OPCML: variants seen among roughly 807,000 people sequenced by gnomAD.
OPCML encodes opioid-binding protein/cell adhesion molecule.
A neutral mutation model predicts 37.8 loss-of-function variants in OPCML; 13 were observed. The observed-to-expected ratio is 0.34, with a 90% CI of 0.22 to 0.55. The LOEUF (loss-of-function observed/expected upper bound fraction) is 0.55. OPCML is among the 20% of genes least tolerant of loss of function. The pLI, the probability that OPCML is intolerant of heterozygous loss-of-function variation, is 0.91. For missense variants in OPCML, 341 were observed against 435.6 expected (o/e 0.78, Z 1.93); for synonymous variants, 176 against 168.8 (o/e 1.04, Z -0.33).
chr11:133,048,578 T>C (rs1565418049), intron 1 of OPCML, among the ~76,000 whole-genome samples: 1 of 152,208 alleles, frequency 6.6e-6, no homozygotes, highest in Admixed American at 6.5e-5. Context: ...TGAGAAGAGA[T>C]GAAAGTCTCT....
At chr11:133,061,069 T>C (rs1428542477) in intron 1 of OPCML, among the ~76,000 whole-genome samples, 1 of 152,262 alleles carries the variant, frequency 6.6e-6, no homozygotes, top group Non-Finnish European at 1.5e-5. Context: ...TGTCCCTATG[T>C]TGCTCAGGCT....
intron 1 of OPCML, among the ~76,000 whole-genome samples, chr11:133,445,360 A>G (rs1032670652): frequency 2.6e-5 from 4 of 152,214 alleles, no homozygotes; most frequent in Non-Finnish European, 5.9e-5. Flanking sequence ...ATGCCATGCC[A>G]TAAGCTTAAA....
intron 2 of OPCML, among the ~76,000 whole-genome samples, chr11:132,747,222 A>G (rs1338061453): frequency 6.6e-6 from 1 of 152,180 alleles, no homozygotes; most frequent in Non-Finnish European, 1.5e-5. Flanking sequence ...TTCAGGAAAA[A>G]TCAATACAGG....
At chr11:132,802,681 G>A (rs1320416824) in intron 2 of OPCML, among the ~76,000 whole-genome samples, 2 of 152,132 alleles carry the variant, frequency 1.3e-5, no homozygotes, top group African/African-American at 4.8e-5. Flanking sequence ...CATTAGATGT[G>A]ATTTCAGTGA....
intron 3 of OPCML, among the ~76,000 whole-genome samples, chr11:132,592,211 C>T (rs2096485589): frequency 2.6e-5 from 4 of 152,216 alleles, no homozygotes; most frequent in Admixed American, 2.6e-4. Flanking sequence ...GGGCCACAAG[C>T]TGCTTTTCAA....
chr11:132,649,430 T>C (rs2135745458), intron 3 of OPCML, among the ~76,000 whole-genome samples: 1 of 152,192 alleles, frequency 6.6e-6, no homozygotes, highest in East Asian at 1.9e-4. Flanking sequence ...AACACAGTAG[T>C]CTGAGAGCCG....
Position 133,367,132 on chromosome 11 carries a change from C to T in OPCML, c.61+165132G>A, listed in dbSNP as rs567487795. 2.5e-4 allele frequency among the ~76,000 whole-genome samples: 38 copies of T among 152,262 alleles called. No homozygotes were observed. In the East Asian group the frequency reaches 3.9e-3, roughly 15 times the overall value. ...TAGCTAGGATTACAGGCATGTACCA[C>T]GACACCCAGCTAACTTTTTTATTTC... On this transcript the variant is annotated intron_variant, in intron 1 of 7. Transcript: ENST00000524381.
At chr11:132,591,742 A>G (rs181293980) in intron 3 of OPCML, among the ~76,000 whole-genome samples, 51 of 152,380 alleles carry the variant, frequency 3.3e-4, no homozygotes, top group Admixed American at 2.2e-3. Context: ...TGCTGAGTAC[A>G]GTATTATTTT....
chr11:133,306,698 T>A (rs2136580511), intron 1 of OPCML, among the ~76,000 whole-genome samples: 1 of 152,280 alleles, frequency 6.6e-6, no homozygotes, highest in South Asian at 2.1e-4. Flanking sequence ...TTCTAAGAGT[T>A]CAGTTAAATG....
At chr11:132,782,314 C>CCAGT (rs1214260650) in intron 2 of OPCML, among the ~76,000 whole-genome samples, 1 of 151,858 alleles carries the variant, frequency 6.6e-6, no homozygotes, top group Non-Finnish European at 1.5e-5. Flanking sequence ...AGAGCCCAGG[C>CCAGT]CAGTGCATGG....
At chr11:132,813,146 ATT>A (rs937937276) in intron 2 of OPCML, among the ~76,000 whole-genome samples, 1 of 151,866 alleles carries the variant, frequency 6.6e-6, no homozygotes, top group South Asian at 2.1e-4. Flanking sequence ...CTCAGTACAC[ATT>A]TTTTTTAGAT....
chr11:133,250,486 T>A, intron 1 of OPCML, among the ~76,000 whole-genome samples: 1 of 99,592 alleles, frequency 1.0e-5, no homozygotes, highest in Non-Finnish European at 1.8e-5. Flanking sequence ...GAGGGAAGAA[T>A]GAAGAAAGGG....
At chr11:133,296,634 C>T (rs1371342062) in intron 1 of OPCML, among the ~76,000 whole-genome samples, 4 of 152,158 alleles carry the variant, frequency 2.6e-5, no homozygotes, top group Non-Finnish European at 5.9e-5. Context: ...CCAACTCCTG[C>T]GTAGAAGCGT....
intron 1 of OPCML, among the ~76,000 whole-genome samples, chr11:133,287,417 A>G (rs910844594): frequency 6.6e-6 from 1 of 150,946 alleles, no homozygotes; most frequent in African/African-American, 2.4e-5. Context: ...TGGGCAAAAT[A>G]TTGCTTCGAC....
At chr11:132,420,393 C>T (rs1477818056) in intron 7 of OPCML, 100 bp from the exon 8 acceptor site, 12 of 1,494,848 alleles carry the variant, frequency 8.0e-6, no homozygotes, top group Non-Finnish European at 6.2e-6. Context: ...CCACCTTCCA[C>T]CCTTCCGCTG....
Position 132,993,578 on chromosome 11 carries a change from G to A in OPCML, c.62-50568C>T, listed in dbSNP as rs548370543. Among the ~76,000 whole-genome samples the A allele has an allele frequency of 2.0e-5, 3 of 152,244 alleles. 1 individual carries two copies. The South Asian group carries it at 6.2e-4, about 32-fold the overall frequency. ...TTTTCTTCATGCCCTCCAGGGTGGT[G>A]GATGCGCTGCCCCGCTCCCTACTTA... On this transcript the variant is annotated intron_variant, in intron 1 of 7. Coordinates refer to ENST00000524381, the MANE Select transcript of OPCML (RefSeq NM_001012393.5).
intron 1 of OPCML, among the ~76,000 whole-genome samples, chr11:133,252,141 A>G (rs934055602): frequency 6.6e-6 from 1 of 152,220 alleles, no homozygotes; most frequent in African/African-American, 2.4e-5. Flanking sequence ...ATTAGGCACC[A>G]GCAAGGTTAA....
chr11:133,077,144 C>A (rs1948633216), intron 1 of OPCML, among the ~76,000 whole-genome samples: 1 of 152,026 alleles, frequency 6.6e-6, no homozygotes. Flanking sequence ...GACTTCTGAG[C>A]TTTGCTTATG....
intron 2 of OPCML, among the ~76,000 whole-genome samples, chr11:132,782,062 T>C (rs1351642338): frequency 5.3e-5 from 8 of 151,000 alleles, no homozygotes; most frequent in Admixed American, 4.0e-4. Flanking sequence ...CTGCAGCCCC[T>C]CTCTTCCACT....
Sources: gnomAD v4.1 joint callset for allele counts (sites outside exome capture counted in the v4.1 genomes callset) on GRCh38, gnomAD v4.1.1 for gene constraint, MANE v1.5 for transcripts, NCBI Gene and HGNC (gene_info 2026-07-23, HGNC 2026-07-21) for gene names.